The following ADCY2 variants were observed in gnomAD, a reference collection of about 807,000 sequenced individuals.
The protein encoded by ADCY2 is adenylate cyclase 2, also known as adenylate cyclase type 2.
ADCY2 carries 31 observed loss-of-function variants against 125.2 expected under a neutral mutation model. The observed-to-expected ratio is 0.25, with a 90% confidence interval of 0.19 to 0.33. The LOEUF is 0.33. ADCY2 is among the 10% of genes least tolerant of loss of function. The pLI is 1.00. For synonymous variants in ADCY2, 512 were observed against 548.4 expected, an observed-to-expected ratio of 0.93 and a Z score of 0.93; for missense variants, 904 against 1,418.2, an observed-to-expected ratio of 0.64 and a Z score of 5.82.
At position 7,820,800 on chromosome 5, in the gene ADCY2, A is replaced by G. The variant is rs76633194; in HGVS notation, c.3123+111A>G. On this transcript the variant is annotated intron_variant, in intron 24 of 24. Transcript: ENST00000338316. ...ATATTAAAACAAAGGAAAAAAGTAA[A>G]CCTTGAAATTTACTTATCTTTTGGA... 7.6e-3 allele frequency: 9,889 copies of G among 1,308,896 alleles called. 230 individuals are homozygous for G. The African/African-American group carries it at 0.076, about 10-fold the overall frequency. The allele number at this position is 1,308,896 out of a possible 1,614,324, so 81.1% of individuals were successfully genotyped here.
At chr5:7,537,546 C>A (rs1734854166) in intron 3 of ADCY2, among the ~76,000 whole-genome samples, 1 of 152,196 alleles carries the variant, frequency 6.6e-6, no homozygotes, top group African/African-American at 2.4e-5. Context: ...ACATTCTTTG[C>A]TGTCCTCCCA....
intron 4 of ADCY2, among the ~76,000 whole-genome samples, chr5:7,631,256 G>A (rs888984300): frequency 6.6e-6 from 1 of 152,170 alleles, no homozygotes; most frequent in African/African-American, 2.4e-5. Context: ...CAAAATCCCT[G>A]GTTTGCCATG....
chr5:7,401,025 G>A (rs1561004813), intron 1 of ADCY2, among the ~76,000 whole-genome samples: 1 of 152,234 alleles, frequency 6.6e-6, no homozygotes, highest in Admixed American at 6.5e-5. Flanking sequence ...ATCTGCCTGT[G>A]TGGGAGTTGT....
In ADCY2 at chr5:7,560,720, G is replaced by T. The variant is rs527643957; in HGVS notation, c.570+39821G>T. 8.0e-4 allele frequency among the ~76,000 whole-genome samples: 121 copies of T among 151,408 alleles called. 1 individual carries two copies. The highest frequency in any genetic ancestry group is 2.8e-3 in the African/African-American group (116 of 41,220). Reference sequence around the variant, plus strand: ...GGTTTTTTTTTTGAGACAGATTCTTGCTCTGTCACCCAGGCTGGAGTGCAG... The same window carrying T: ...GGTTTTTTTTTTGAGACAGATTCTTTCTCTGTCACCCAGGCTGGAGTGCAG... On this transcript the variant is annotated intron_variant, in intron 3 of 24. Transcript: ENST00000338316.
intron 2 of ADCY2, among the ~76,000 whole-genome samples, chr5:7,496,081 C>T (rs959192623): frequency 2.6e-5 from 4 of 152,086 alleles, no homozygotes; most frequent in Non-Finnish European, 5.9e-5. Flanking sequence ...AAGATTGGAA[C>T]TATCAGGGGT....
At chr5:7,771,414 G>A (rs1369400576) in intron 17 of ADCY2, among the ~76,000 whole-genome samples, 1 of 152,182 alleles carries the variant, frequency 6.6e-6, no homozygotes, top group African/African-American at 2.4e-5. Flanking sequence ...GCTGCCACCT[G>A]AAGTGAAGGG....
chr5:7,694,848 A>C (rs193228691), intron 5 of ADCY2, among the ~76,000 whole-genome samples: 167 of 152,266 alleles, frequency 1.1e-3, no homozygotes, highest in Middle Eastern at 6.8e-3. Context: ...AGGACCGAAC[A>C]TATTGTTTTT....
chr5:7,819,810 A>G (rs1745239658), intron 23 of ADCY2, among the ~76,000 whole-genome samples: 1 of 152,218 alleles, frequency 6.6e-6, no homozygotes, highest in Non-Finnish European at 1.5e-5. Context: ...CATCCTTTTC[A>G]GCATATCTAG....
At chr5:7,556,097 C>T (rs1735499032) in intron 3 of ADCY2, among the ~76,000 whole-genome samples, 1 of 152,096 alleles carries the variant, frequency 6.6e-6, no homozygotes, top group Non-Finnish European at 1.5e-5. Flanking sequence ...ATATTGGGTG[C>T]TTGAAGAATA....
In ADCY2 at chr5:7,673,713, C is replaced by T. The variant is rs760424975; in HGVS notation, c.721-16978C>T. Reference sequence around the variant, plus strand: ...CAACCACTGGTTTAGAATGCAGCCCCGCAGGAAAGCCAATAGGCAAGAGGT... The same window carrying T: ...CAACCACTGGTTTAGAATGCAGCCCTGCAGGAAAGCCAATAGGCAAGAGGT... On this transcript the variant is annotated intron_variant, in intron 4 of 24. Coordinates refer to ENST00000338316, the MANE Select transcript of ADCY2 (RefSeq NM_020546.3). Among the ~76,000 whole-genome samples the T allele has an allele frequency of 3.9e-5, 6 of 152,188 alleles. No homozygotes were observed. In the East Asian group the frequency reaches 7.7e-4, roughly 20 times the overall value.
chr5:7,497,463 A>G (rs1398773011), intron 2 of ADCY2, among the ~76,000 whole-genome samples: 2 of 152,214 alleles, frequency 1.3e-5, no homozygotes, highest in African/African-American at 2.4e-5. Flanking sequence ...AGGAAATTAC[A>G]GTTTCCAGTT....
chr5:7,547,230 A>G (rs563788872), intron 3 of ADCY2, among the ~76,000 whole-genome samples: 1 of 152,282 alleles, frequency 6.6e-6, no homozygotes, highest in South Asian at 2.1e-4. Context: ...ATCCAATGCT[A>G]TGGTGCCTGG....
At chr5:7,811,168 G>C (rs1290755183) in intron 22 of ADCY2, among the ~76,000 whole-genome samples, 1 of 152,178 alleles carries the variant, frequency 6.6e-6, no homozygotes, top group Non-Finnish European at 1.5e-5. Flanking sequence ...AAGGGGGGCT[G>C]TTCTCCAGCA....
rs188205984 is a variant in ADCY2, at chr5:7,671,005, T to C, written c.721-19686T>C. 3.3e-3 allele frequency among the ~76,000 whole-genome samples: 509 copies of C among 152,342 alleles called. 1 individual carries two copies. The highest frequency in any genetic ancestry group is 4.5e-3 in the Non-Finnish European group (307 of 68,032). ...AAGATTCCGTCTCTGGGTAGTGCTTTATTTCTTCTTGAGGAAATCAATCTT... is the reference window on the plus strand; with the variant it reads ...AAGATTCCGTCTCTGGGTAGTGCTTCATTTCTTCTTGAGGAAATCAATCTT... On this transcript the variant is annotated intron_variant, in intron 4 of 24. Transcript: ENST00000338316.
chr5:7,424,101 A>G (rs1379590477), intron 2 of ADCY2, among the ~76,000 whole-genome samples: 4 of 152,244 alleles, frequency 2.6e-5, no homozygotes, highest in African/African-American at 7.2e-5. Flanking sequence ...TCTTTGAGAC[A>G]TTTTTGCTTG....
intron 3 of ADCY2, among the ~76,000 whole-genome samples, chr5:7,586,991 TAGAC>T (rs1268775386): frequency 2.0e-5 from 3 of 152,206 alleles, no homozygotes; most frequent in East Asian, 3.9e-4. Flanking sequence ...GATAGATAGA[TAGAC>T]AAAGACATAG....
At chr5:7,766,207 T>C (rs899338529) in intron 16 of ADCY2, among the ~76,000 whole-genome samples, 4 of 152,190 alleles carry the variant, frequency 2.6e-5, no homozygotes, top group African/African-American at 7.2e-5. Context: ...AGGCTGGTGA[T>C]TGCATTTTGC....
intron 4 of ADCY2, among the ~76,000 whole-genome samples, chr5:7,632,353 A>G (rs1022923105): frequency 1.3e-5 from 2 of 151,880 alleles, no homozygotes; most frequent in African/African-American, 4.8e-5. Flanking sequence ...TAGTTGTGTC[A>G]TTTTTTTCTT....
At chr5:7,557,100 G>A (rs1579570100) in intron 3 of ADCY2, among the ~76,000 whole-genome samples, 1 of 142,906 alleles carries the variant, frequency 7.0e-6, no homozygotes, top group African/African-American at 2.6e-5. Context: ...GCTAATAAAA[G>A]TTATCTCACC....
Sources: gnomAD v4.1 joint callset for allele counts (sites outside exome capture counted in the v4.1 genomes callset) on GRCh38, gnomAD v4.1.1 for gene constraint, MANE v1.5 for transcripts, NCBI Gene and HGNC (gene_info 2026-07-23, HGNC 2026-07-21) for gene names.